Variants in LRRC40 observed in about 807,000 individuals in gnomAD.
LRRC40 encodes leucine rich repeat containing 40, also known as leucine-rich repeat-containing protein 40.
A neutral mutation model predicts 72.8 loss-of-function variants in LRRC40; 76 were observed. That is an observed-to-expected ratio of 1.04 (90% CI 0.87 to 1.26). The LOEUF (loss-of-function observed/expected upper bound fraction) is 1.26. LRRC40 is among the 50% of genes most tolerant of loss of function. The pLI, the probability that LRRC40 is intolerant of heterozygous loss-of-function variation, is 0.00. For synonymous variants in LRRC40, 243 were observed against 254.2 expected (o/e 0.96, Z 0.42); for missense variants, 684 against 698.9 (o/e 0.98, Z 0.24).
At chr1:70,151,310 T>G in intron 12 of LRRC40, 105 bp from the exon 13 acceptor site, 1 of 644,658 alleles carries the variant, frequency 1.6e-6, no homozygotes, top group South Asian at 1.9e-5. Context: ...TAGATCAGTT[T>G]GTCAATCCTT....
intron 6 of LRRC40, among the ~76,000 whole-genome samples, chr1:70,176,622 A>G (rs868449082): frequency 5.3e-5 from 8 of 151,900 alleles, no homozygotes; most frequent in African/African-American, 1.9e-4. Context: ...ACTACTTGCA[A>G]AACAAAGTAA....
chr1:70,167,622 A>C (rs1667912290), intron 9 of LRRC40, among the ~76,000 whole-genome samples: 1 of 151,966 alleles, frequency 6.6e-6, no homozygotes. Flanking sequence ...TTCTATTTCT[A>C]TTTATTTTGA....
chr1:70,200,606 G>A (rs983560153), intron 1 of LRRC40, among the ~76,000 whole-genome samples: 2 of 152,136 alleles, frequency 1.3e-5, no homozygotes, highest in Non-Finnish European at 2.9e-5. Context: ...TAAAGCTTAT[G>A]TTAAACACTT....
chr1:70,199,215 T>TCTCA (rs368673737), intron 1 of LRRC40, among the ~76,000 whole-genome samples: 5 of 140,432 alleles, frequency 3.6e-5, no homozygotes, highest in East Asian at 2.1e-4. Flanking sequence ...ATACATAGTC[T>TCTCA]CACACACACA....
chr1:70,159,823 T>C (rs1402471204), intron 9 of LRRC40, among the ~76,000 whole-genome samples: 5 of 152,210 alleles, frequency 3.3e-5, no homozygotes, highest in Admixed American at 3.3e-4. Context: ...CCCTCAAATG[T>C]CTACCAAATA....
At chr1:70,163,881 T>G (rs1002033240) in intron 9 of LRRC40, among the ~76,000 whole-genome samples, 2 of 152,084 alleles carry the variant, frequency 1.3e-5, no homozygotes, top group Non-Finnish European at 2.9e-5. Context: ...GGCACCTGTC[T>G]TAGTCCATTT....
At chr1:70,191,596 T>C (rs1387512509) in intron 1 of LRRC40, among the ~76,000 whole-genome samples, 1 of 152,136 alleles carries the variant, frequency 6.6e-6, no homozygotes, top group African/African-American at 2.4e-5. Context: ...TACTACTCAT[T>C]CTTTTCCCCA....
chr1:70,145,978 A>G, intron 14 of LRRC40, 73 bp from the exon 15 acceptor site: 1 of 675,638 alleles, frequency 1.5e-6, no homozygotes, highest in South Asian at 2.0e-5. Context: ...TTCATTTGCA[A>G]TTTTATAAAT....
Position 70,155,770 on chromosome 1 carries a change from T to C in LRRC40, c.1247A>G (p.Asp416Gly). Residue 416 changes from aspartate (D) to glycine (G), a missense_variant, in exon 11 of 15, where the codon GAT (aspartate) becomes GGT (glycine). By Grantham distance (94) the Asp-to-Gly change is moderately conservative. Coordinates refer to ENST00000370952, the MANE Select transcript of LRRC40 (RefSeq NM_017768.5). ...GCTTTTTACTGCATCAAACACCTCATCAGGAATCAAAGTTGCTTGTTTATC... is the reference window on the plus strand; with the variant it reads ...GCTTTTTACTGCATCAAACACCTCACCAGGAATCAAAGTTGCTTGTTTATC... ...YSDKQATLIP[D>G]EVFDAVKSNI... The C allele has an allele frequency of 6.4e-7, 1 of 1,572,512 alleles. No homozygotes were observed. Among genetic ancestry groups the C allele is most frequent in the Non-Finnish European group, 8.7e-7 (1 of 1,152,926 alleles).
chr1:70,162,701 T>C (rs755509843), intron 9 of LRRC40, among the ~76,000 whole-genome samples: 3 of 152,220 alleles, frequency 2.0e-5, no homozygotes, highest in Non-Finnish European at 4.4e-5. Context: ...GCGGCAGTCA[T>C]TGTACTAAGT....
chr1:70,159,029 A>G (rs568691291), intron 10 of LRRC40, among the ~76,000 whole-genome samples: 58 of 152,232 alleles, frequency 3.8e-4, no homozygotes, highest in African/African-American at 1.4e-3. Flanking sequence ...TACTTTTAAT[A>G]TCCTTCTATT....
At chr1:70,198,504 C>T (rs148894597) in intron 1 of LRRC40, among the ~76,000 whole-genome samples, 4 of 152,040 alleles carry the variant, frequency 2.6e-5, no homozygotes, top group Admixed American at 2.0e-4. Context: ...TTATCTAGTC[C>T]GACGAAAAAG....
chr1:70,161,560 AAAAG>A (rs1288917700), intron 9 of LRRC40, among the ~76,000 whole-genome samples: 23 of 151,464 alleles, frequency 1.5e-4, no homozygotes, highest in Middle Eastern at 3.4e-3. Flanking sequence ...AAAAAAAAAA[AAAAG>A]AAAGAAAGAA....
chr1:70,158,615 C>T (rs1667691585), intron 10 of LRRC40, among the ~76,000 whole-genome samples: 1 of 152,032 alleles, frequency 6.6e-6, no homozygotes, highest in Admixed American at 6.5e-5. Context: ...GGCTTTGTCT[C>T]AATTTATATA....
intron 1 of LRRC40, among the ~76,000 whole-genome samples, chr1:70,197,856 G>A (rs1668650573): frequency 6.6e-6 from 1 of 151,994 alleles, no homozygotes; most frequent in East Asian, 2.0e-4. Flanking sequence ...AAGGCAGGTG[G>A]ATCACCTGAG....
At chr1:70,196,782 T>A (rs554730662) in intron 1 of LRRC40, among the ~76,000 whole-genome samples, 1 of 152,332 alleles carries the variant, frequency 6.6e-6, no homozygotes, top group South Asian at 2.1e-4. Context: ...TTTCAAGATG[T>A]TGGAAATGTT....
chr1:70,147,603 G>T (rs772084640), intron 14 of LRRC40, among the ~76,000 whole-genome samples: 41 of 152,210 alleles, frequency 2.7e-4, no homozygotes, highest in Admixed American at 1.2e-3. Flanking sequence ...GAAGCAATAG[G>T]TCAGTATTCA....
At chr1:70,167,683 C>T (rs1044265896) in intron 9 of LRRC40, among the ~76,000 whole-genome samples, 1 of 152,026 alleles carries the variant, frequency 6.6e-6, no homozygotes, top group African/African-American at 2.4e-5. Context: ...GGCACAATCT[C>T]GGCTCACTGT....
At position 70,173,465 on chromosome 1, in the gene LRRC40, C is replaced by G. The variant is rs1262166611; in HGVS notation, c.1111G>C (p.Asp371His). The change falls in exon 9 of 15, where the codon GAT becomes CAT. Residue 371 changes from aspartate to histidine, a missense_variant and splice_region_variant. Asp to His is a moderately conservative substitution (Grantham distance 81). Coordinates refer to ENST00000370952, the MANE Select transcript of LRRC40 (RefSeq NM_017768.5). The stretch of plus-strand genomic sequence containing the variant: ...AATATAAGAGAACATTTTAAAGTAC[C>G]TTTGATCTTGCTTCGTAGATATTTT... ...VLKYLRSKIK[D>H]DGPSQSESAT... The G allele has an allele frequency of 5.6e-6, 9 of 1,597,606 alleles. No individual in the cohort carries two copies. The highest frequency in any genetic ancestry group is 4.5e-5 in the East Asian group (2 of 44,588).
Sources: gnomAD v4.1 joint callset for allele counts (sites outside exome capture counted in the v4.1 genomes callset) on GRCh38, gnomAD v4.1.1 for gene constraint, MANE v1.5 for transcripts, NCBI Gene and HGNC (gene_info 2026-07-23, HGNC 2026-07-21) for gene names.